Variants in HPSE2 observed in about 807,000 individuals in gnomAD.
HPSE2 encodes inactive heparanase-2.
A neutral mutation model predicts 60.5 loss-of-function variants in HPSE2; 38 were observed. The ratio of observed to expected loss-of-function variants is 0.63; its 90% confidence interval spans 0.48 to 0.82. The LOEUF (loss-of-function observed/expected upper bound fraction) is 0.82, where lower values mean the gene tolerates loss of function less well. Among genes scored for constraint, HPSE2 ranks in the 40% least tolerant of loss-of-function variants. The pLI is 0.00. For synonymous variants in HPSE2, 295 were observed against 293.2 expected, an observed-to-expected ratio of 1.01 and a Z score of -0.06; for missense variants, 713 against 740.4, an observed-to-expected ratio of 0.96 and a Z score of 0.43.
intron 3 of HPSE2, among the ~76,000 whole-genome samples, chr10:98,923,793 T>C (rs1954360755): frequency 6.6e-6 from 1 of 152,142 alleles, no homozygotes; most frequent in African/African-American, 2.4e-5. Flanking sequence ...TGATAAAATA[T>C]TGAATTCCTT....
intron 3 of HPSE2, among the ~76,000 whole-genome samples, chr10:99,136,687 A>C (rs1845670233): frequency 6.6e-6 from 1 of 152,172 alleles, no homozygotes; most frequent in Non-Finnish European, 1.5e-5. Flanking sequence ...ACAAAATTCA[A>C]CACCCCTTCA....
At chr10:99,302,008 C>G in the HPSE2 span, among the ~76,000 whole-genome samples, 1 of 151,980 alleles carries the variant, frequency 6.6e-6, no homozygotes, top group African/African-American at 2.4e-5. Flanking sequence ...TAGATCTACT[C>G]TAGCAGGCCT....
At chr10:98,802,562 T>C (rs1950940069) in intron 3 of HPSE2, among the ~76,000 whole-genome samples, 1 of 145,792 alleles carries the variant, frequency 6.9e-6, no homozygotes, top group African/African-American at 2.5e-5. Context: ...TGAGTGAGAA[T>C]ATGCGGTGTT....
chr10:98,782,870 G>C (rs1262018758), intron 3 of HPSE2, among the ~76,000 whole-genome samples: 2 of 133,696 alleles, frequency 1.5e-5, no homozygotes, highest in African/African-American at 5.6e-5. Flanking sequence ...TTGATGAAGA[G>C]TTAGAATAAT....
At chr10:98,997,285 T>C (rs1956669655) in intron 3 of HPSE2, among the ~76,000 whole-genome samples, 2 of 151,944 alleles carry the variant, frequency 1.3e-5, no homozygotes, top group African/African-American at 2.4e-5. Flanking sequence ...GCTAATTTTT[T>C]TTTTCTATTT....
chr10:98,557,885 G>A (rs995416924), intron 9 of HPSE2, among the ~76,000 whole-genome samples: 2 of 152,066 alleles, frequency 1.3e-5, no homozygotes, highest in African/African-American at 4.8e-5. Flanking sequence ...GGAGGCGGAG[G>A]TTGCAGTGAG....
At chr10:98,993,036 C>G (rs78080455) in intron 3 of HPSE2, among the ~76,000 whole-genome samples, 6 of 152,172 alleles carry the variant, frequency 3.9e-5, no homozygotes, top group African/African-American at 1.4e-4. Context: ...TCTTTGATCG[C>G]TATGATTTCT....
At chr10:99,246,238 G>A in the HPSE2 span, among the ~76,000 whole-genome samples, 1 of 152,208 alleles carries the variant, frequency 6.6e-6, no homozygotes, top group East Asian at 1.9e-4. Flanking sequence ...ATTATGGGGG[G>A]GAAAATACAA....
At chr10:98,880,875 T>C (rs892752368) in intron 3 of HPSE2, among the ~76,000 whole-genome samples, 11 of 151,980 alleles carry the variant, frequency 7.2e-5, no homozygotes, top group African/African-American at 2.4e-4. Flanking sequence ...CTGTGAGAAA[T>C]TTTATTTTCT....
intron 9 of HPSE2, among the ~76,000 whole-genome samples, chr10:98,559,430 C>T (rs900763863): frequency 2.0e-5 from 3 of 152,104 alleles, no homozygotes; most frequent in African/African-American, 7.2e-5. Context: ...CCTGCCCCAA[C>T]TCTACACTCC....
chr10:99,239,512 C>A (rs1849911980), upstream of HPSE2, among the ~76,000 whole-genome samples: 1 of 149,484 alleles, frequency 6.7e-6, no homozygotes, highest in Non-Finnish European at 1.5e-5. Context: ...TCACTGCAAC[C>A]TCCACCTCCG....
At chr10:98,599,173 C>T (rs562920469) in intron 9 of HPSE2, among the ~76,000 whole-genome samples, 2 of 152,230 alleles carry the variant, frequency 1.3e-5, no homozygotes, top group East Asian at 3.9e-4. Flanking sequence ...TGGGCATGCC[C>T]AGATTCTGTG....
chr10:99,151,121 T>G (rs975566290), intron 2 of HPSE2, among the ~76,000 whole-genome samples: 2 of 150,996 alleles, frequency 1.3e-5, no homozygotes, highest in Admixed American at 1.3e-4. Flanking sequence ...AAACAACAAT[T>G]GTCATGGAAA....
chr10:99,255,825 A>T, the HPSE2 span, among the ~76,000 whole-genome samples: 4 of 152,184 alleles, frequency 2.6e-5, no homozygotes, highest in African/African-American at 9.7e-5. Flanking sequence ...CTTAATCCCC[A>T]GTTGCATTAG....
chr10:99,014,197 G>A (rs559756257), intron 3 of HPSE2, among the ~76,000 whole-genome samples: 1 of 152,312 alleles, frequency 6.6e-6, no homozygotes, highest in East Asian at 1.9e-4. Context: ...TGTCTGCAAC[G>A]AGCCTCGCAA....
At chr10:98,552,963 C>G (rs1943904564) in intron 9 of HPSE2, among the ~76,000 whole-genome samples, 2 of 152,126 alleles carry the variant, frequency 1.3e-5, no homozygotes. Flanking sequence ...TCTCAAAGGA[C>G]ACACTAAATG....
chr10:99,071,406 T>C (rs1842786626), intron 3 of HPSE2, among the ~76,000 whole-genome samples: 2 of 152,134 alleles, frequency 1.3e-5, no homozygotes, highest in South Asian at 4.1e-4. Flanking sequence ...ATATCTTTCA[T>C]AGTGACTGCA....
intron 3 of HPSE2, among the ~76,000 whole-genome samples, chr10:99,098,029 G>T (rs1160229637): frequency 6.6e-6 from 1 of 152,134 alleles, no homozygotes; most frequent in Admixed American, 6.5e-5. Flanking sequence ...CCATTTCCAA[G>T]TGTAATCCAA....
At chr10:99,074,493 C>G (rs1842898264) in intron 3 of HPSE2, among the ~76,000 whole-genome samples, 1 of 152,024 alleles carries the variant, frequency 6.6e-6, no homozygotes. Context: ...CTATGTTTAT[C>G]TGGGATATTG....
Sources: gnomAD v4.1 joint callset for allele counts (sites outside exome capture counted in the v4.1 genomes callset) on GRCh38, gnomAD v4.1.1 for gene constraint, MANE v1.5 for transcripts, NCBI Gene and HGNC (gene_info 2026-07-23, HGNC 2026-07-21) for gene names.